LINGO2: variants seen among roughly 807,000 people sequenced by gnomAD.
LINGO2 encodes leucine rich repeat and Ig domain containing 2.
In LINGO2, 14 loss-of-function variants were observed where a neutral mutation model predicts 30.6. That is an observed-to-expected ratio of 0.46 (90% confidence interval 0.30 to 0.72). The LOEUF is 0.72. Among genes scored for constraint, LINGO2 ranks in the 30% least tolerant of loss-of-function variants. The probability of loss-of-function intolerance (pLI) is 0.07; values close to 1 mark genes in which losing one functional copy is unlikely to be tolerated. For missense variants in LINGO2, 729 were observed against 751.7 expected (o/e 0.97, Z 0.35); for synonymous variants, 317 against 288.5 (o/e 1.10, Z -1.00).
chr9:27,960,636 CT>C (rs909208258), intron 5 of LINGO2, among the ~76,000 whole-genome samples: 3 of 99,262 alleles, frequency 3.0e-5, no homozygotes, highest in Admixed American at 1.1e-4. Flanking sequence ...TTTTTTTTTA[CT>C]TGTACATACA....
the LINGO2 span, among the ~76,000 whole-genome samples, chr9:28,948,888 C>T: frequency 1.3e-4 from 20 of 151,872 alleles, no homozygotes; most frequent in South Asian, 3.1e-3. Context: ...GTAATTACAA[C>T]GGTACTAGAT....
At chr9:28,463,252 G>A (rs1825156730) in intron 2 of LINGO2, among the ~76,000 whole-genome samples, 1 of 151,978 alleles carries the variant, frequency 6.6e-6, no homozygotes, top group Non-Finnish European at 1.5e-5. Context: ...GGAGAGCTTA[G>A]CCATTACTTT....
At chr9:28,526,777 G>T (rs1821054690) in intron 1 of LINGO2, among the ~76,000 whole-genome samples, 1 of 152,148 alleles carries the variant, frequency 6.6e-6, no homozygotes, top group African/African-American at 2.4e-5. Context: ...GGCCTGCCCA[G>T]CCTTTCCAAC....
At chr9:28,736,195 T>C in the LINGO2 span, among the ~76,000 whole-genome samples, 2 of 152,276 alleles carry the variant, frequency 1.3e-5, no homozygotes, top group Admixed American at 6.5e-5. Context: ...ATTTGTGTTA[T>C]AGCTTAGAGC....
At position 28,525,237 on chromosome 9, in the gene LINGO2, A is replaced by T. The variant is rs368685216; in HGVS notation, c.-364-49212T>A. Among the ~76,000 whole-genome samples, 28 of 152,172 alleles carry T rather than the reference A, an allele frequency of 1.8e-4. 1 individual carries two copies. In the East Asian group the frequency reaches 2.1e-3, roughly 12 times the overall value. On this transcript the variant is annotated intron_variant, in intron 1 of 5. Coordinates refer to ENST00000379992, the Ensembl canonical transcript of LINGO2. ...TTTGCAAGAATGTAGAGAAATTAGA[A>T]CTATCATTGTCAATAGAAATGTACC...
intron 1 of LINGO2, among the ~76,000 whole-genome samples, chr9:28,536,977 G>A (rs919863356): frequency 1.3e-5 from 2 of 151,916 alleles, no homozygotes; most frequent in African/African-American, 2.4e-5. Flanking sequence ...GGACATACTA[G>A]AACAGAATGG....
At chr9:28,313,481 T>C (rs1163302178) in intron 3 of LINGO2, among the ~76,000 whole-genome samples, 1 of 152,224 alleles carries the variant, frequency 6.6e-6, no homozygotes, top group South Asian at 2.1e-4. Context: ...TGGAAAATAG[T>C]TGACTGTGCC....
the LINGO2 span, among the ~76,000 whole-genome samples, chr9:29,188,014 C>CTTTTTT: frequency 2.7e-3 from 203 of 75,774 alleles, no homozygotes; most frequent in Non-Finnish European, 3.3e-3. Flanking sequence ...TTGACAGAGT[C>CTTTTTT]TTTTTTTTTT....
intron 5 of LINGO2, among the ~76,000 whole-genome samples, chr9:27,953,460 T>C (rs568182933): frequency 6.6e-6 from 1 of 152,060 alleles, no homozygotes; most frequent in South Asian, 2.1e-4. Flanking sequence ...ACGGCTAATA[T>C]GGTTTGGCTG....
chr9:28,061,477 T>C (rs1193713011), intron 4 of LINGO2, among the ~76,000 whole-genome samples: 1 of 151,974 alleles, frequency 6.6e-6, no homozygotes, highest in Non-Finnish European at 1.5e-5. Flanking sequence ...AGGAATGTAA[T>C]AAAATATCAT....
At chr9:29,144,258 A>C in the LINGO2 span, among the ~76,000 whole-genome samples, 2 of 150,420 alleles carry the variant, frequency 1.3e-5, no homozygotes, top group African/African-American at 4.9e-5. Context: ...TTTTGGTTCC[A>C]TATACATTTT....
chr9:28,436,925 T>A (rs1304391482), intron 2 of LINGO2, among the ~76,000 whole-genome samples: 1 of 152,136 alleles, frequency 6.6e-6, no homozygotes, highest in South Asian at 2.1e-4. Flanking sequence ...GAGAGGGTCA[T>A]ATGATACGAG....
At chr9:29,054,572 C>A in the LINGO2 span, among the ~76,000 whole-genome samples, 4 of 152,050 alleles carry the variant, frequency 2.6e-5, no homozygotes, top group African/African-American at 4.8e-5. Context: ...AAACACGGGC[C>A]TCAACTACTA....
At chr9:28,387,725 T>A (rs1821649710) in intron 2 of LINGO2, among the ~76,000 whole-genome samples, 1 of 152,102 alleles carries the variant, frequency 6.6e-6, no homozygotes, top group East Asian at 1.9e-4. Context: ...ACTCCTGAAG[T>A]CAGCAAGACT....
intron 4 of LINGO2, among the ~76,000 whole-genome samples, chr9:28,146,099 C>G (rs949234878): frequency 6.6e-6 from 1 of 152,180 alleles, no homozygotes; most frequent in Non-Finnish European, 1.5e-5. Flanking sequence ...TCCCACTCAG[C>G]CTTGTGTGAT....
intron 1 of LINGO2, among the ~76,000 whole-genome samples, chr9:28,632,214 A>C (rs1433865296): frequency 6.6e-6 from 1 of 152,152 alleles, no homozygotes; most frequent in South Asian, 2.1e-4. Flanking sequence ...GGAAGTGTTA[A>C]GAATCTATAA....
intron 4 of LINGO2, among the ~76,000 whole-genome samples, chr9:28,253,702 C>T (rs1008973783): frequency 7.9e-5 from 12 of 152,268 alleles, no homozygotes; most frequent in African/African-American, 2.9e-4. Context: ...CCATTACCAC[C>T]ACCTTAACCT....
At chr9:27,994,800 AG>A (rs1175181745) in intron 5 of LINGO2, among the ~76,000 whole-genome samples, 1 of 152,158 alleles carries the variant, frequency 6.6e-6, no homozygotes, top group African/African-American at 2.4e-5. Flanking sequence ...AGGGGACTTA[AG>A]GCAGGGCTGA....
chr9:28,637,928 T>G (rs150707185), intron 1 of LINGO2, among the ~76,000 whole-genome samples: 4,554 of 152,274 alleles, frequency 0.03, 219 homozygotes, highest in African/African-American at 0.097. Flanking sequence ...TTCCAGTTTT[T>G]GCCCATTCAA....
Sources: allele counts gnomAD v4.1 joint callset (sites outside exome capture counted in the v4.1 genomes callset), GRCh38; gene constraint gnomAD v4.1.1; transcripts MANE v1.5; gene names NCBI Gene and HGNC (gene_info 2026-07-23, HGNC 2026-07-21).